ERG: variants seen among roughly 807,000 people sequenced by gnomAD.
ERG encodes the protein transcriptional regulator ERG.
ERG carries 9 observed loss-of-function variants against 55.3 expected under a neutral mutation model. The observed-to-expected ratio is 0.16, with a 90% confidence interval of 0.10 to 0.28. The LOEUF (loss-of-function observed/expected upper bound fraction) is 0.28. ERG is among the 10% of genes least tolerant of loss of function. ERG has a pLI of 1.00. For missense variants in ERG, 434 were observed against 631.6 expected (o/e 0.69, Z 3.35); for synonymous variants, 223 against 237.3 (o/e 0.94, Z 0.55).
At chr21:38,636,393 G>A (rs1429184810) in intron 1 of ERG, among the ~76,000 whole-genome samples, 1 of 152,140 alleles carries the variant, frequency 6.6e-6, no homozygotes, top group African/African-American at 2.4e-5. Context: ...GGAGCAGGAG[G>A]GCAAGGAGGG....
At chr21:38,572,267 C>G (rs1274707409) in intron 2 of ERG, among the ~76,000 whole-genome samples, 1 of 149,166 alleles carries the variant, frequency 6.7e-6, no homozygotes, top group Non-Finnish European at 1.5e-5. Flanking sequence ...ACTCAGGAGG[C>G]TGAGGCAGGA....
At chr21:38,418,440 T>C (rs895550866) in intron 3 of ERG, among the ~76,000 whole-genome samples, 3 of 152,054 alleles carry the variant, frequency 2.0e-5, no homozygotes, top group Non-Finnish European at 4.4e-5. Context: ...GAACCACCAC[T>C]ACACCTGGCT....
At chr21:38,369,976 A>G in the ERG span, among the ~76,000 whole-genome samples, 2 of 152,040 alleles carry the variant, frequency 1.3e-5, no homozygotes, top group South Asian at 2.1e-4. Flanking sequence ...CCATTGGTCT[A>G]TGTGTCTGTT....
intron 3 of ERG, among the ~76,000 whole-genome samples, chr21:38,418,082 T>C (rs1841073472): frequency 6.6e-6 from 1 of 152,236 alleles, no homozygotes; most frequent in African/African-American, 2.4e-5. Flanking sequence ...CCTTTTTGTC[T>C]ACTTGCCTTT....
chr21:38,661,037 G>A (rs2060552333), intron 1 of ERG, among the ~76,000 whole-genome samples: 2 of 151,850 alleles, frequency 1.3e-5, no homozygotes, highest in African/African-American at 4.8e-5. Flanking sequence ...GGAGGAAGAG[G>A]AGGAGGGAGG....
At chr21:38,509,631 T>A (rs1487413505) in intron 2 of ERG, among the ~76,000 whole-genome samples, 1 of 152,066 alleles carries the variant, frequency 6.6e-6, no homozygotes, top group Non-Finnish European at 1.5e-5. Flanking sequence ...TACCAGCAGC[T>A]CCCCAGGCTC....
At chr21:38,525,552 G>A (rs1225299222) in intron 2 of ERG, among the ~76,000 whole-genome samples, 1 of 152,082 alleles carries the variant, frequency 6.6e-6, no homozygotes, top group Non-Finnish European at 1.5e-5. Context: ...CTCAGTTACC[G>A]AGCCAAGACA....
At chr21:38,490,609 T>G (rs1193717082) in intron 1 of ERG, among the ~76,000 whole-genome samples, 1 of 152,198 alleles carries the variant, frequency 6.6e-6, no homozygotes, top group Non-Finnish European at 1.5e-5. Flanking sequence ...GAAGATCCGA[T>G]AGGGGCACTG....
intron 3 of ERG, among the ~76,000 whole-genome samples, chr21:38,421,423 G>A (rs1423814969): frequency 1.3e-5 from 2 of 152,162 alleles, no homozygotes; most frequent in African/African-American, 4.8e-5. Flanking sequence ...GATCTAAGCT[G>A]AAACCTGGGA....
intron 1 of ERG, among the ~76,000 whole-genome samples, chr21:38,640,312 G>C (rs1267795445): frequency 1.3e-5 from 2 of 152,084 alleles, no homozygotes; most frequent in African/African-American, 4.8e-5. Flanking sequence ...CCAACATTAT[G>C]ATTTACCTAC....
chr21:38,429,594 TGTAC>T, intron 2 of ERG, among the ~76,000 whole-genome samples: 4 of 11,888 alleles, frequency 3.4e-4, no homozygotes, highest in Non-Finnish European at 1.0e-3. Context: ...TATGTGTATA[TGTAC>T]ATGTATACAC....
intron 1 of ERG, among the ~76,000 whole-genome samples, chr21:38,469,215 C>T (rs2059119195): frequency 6.6e-6 from 1 of 152,106 alleles, no homozygotes; most frequent in Non-Finnish European, 1.5e-5. Context: ...GAACTCTGGG[C>T]ATGCTTGTTT....
At chr21:38,613,648 T>C (rs2060241701) in intron 1 of ERG, among the ~76,000 whole-genome samples, 1 of 152,192 alleles carries the variant, frequency 6.6e-6, no homozygotes, top group African/African-American at 2.4e-5. Context: ...CTTTCTCCTC[T>C]GATCCATTCC....
intron 6 of ERG, among the ~76,000 whole-genome samples, chr21:38,399,844 C>G (rs1389038675): frequency 6.6e-6 from 1 of 152,160 alleles, no homozygotes; most frequent in African/African-American, 2.4e-5. Context: ...CTCTCTGGCT[C>G]TAGGTCACTC....
intron 2 of ERG, among the ~76,000 whole-genome samples, chr21:38,516,862 G>A (rs1002266244): frequency 4.0e-5 from 6 of 151,828 alleles, no homozygotes; most frequent in African/African-American, 1.5e-4. Flanking sequence ...ACATACATTG[G>A]GAAAAAGACA....
intron 3 of ERG, among the ~76,000 whole-genome samples, chr21:38,409,656 C>G (rs1457675942): frequency 6.6e-6 from 1 of 152,048 alleles, no homozygotes; most frequent in Non-Finnish European, 1.5e-5. Flanking sequence ...TTAGGGGAAC[C>G]ACTTAGCCCA....
At chr21:38,424,390 G>A (rs373007273) in intron 2 of ERG, among the ~76,000 whole-genome samples, 1 of 152,140 alleles carries the variant, frequency 6.6e-6, no homozygotes, top group African/African-American at 2.4e-5. Context: ...GGGGCTCTGT[G>A]AAGGCAGCCT....
intron 1 of ERG, among the ~76,000 whole-genome samples, chr21:38,613,266 CA>C (rs1291950094): frequency 1.3e-5 from 2 of 152,178 alleles, no homozygotes; most frequent in Non-Finnish European, 2.9e-5. Flanking sequence ...GATCTTTAGT[CA>C]GACATAGTTT....
rs2146456719 is a variant in ERG, at chr21:38,403,575, C to T, written c.523G>A (p.Asp175Asn). 5.0e-6 allele frequency: 8 copies of T among 1,614,144 alleles called. No homozygotes were observed. The highest frequency in any genetic ancestry group is 1.6e-4 in the Middle Eastern group (1 of 6,062). The stretch of plus-strand genomic sequence containing the variant: ...TAGCTGGGGGTGAGCCTCTGGAAGT[C>T]GTCCTTGGTCATCTTGCACAGTTCC... ...GKELCKMTKD[D>N]FQRLTPSYNA... Residue 175 changes from aspartate to asparagine, a missense_variant, in exon 4 of 10, where the codon GAC becomes AAC. Coordinates refer to ENST00000288319, the MANE Select transcript of ERG (RefSeq NM_182918.4).
Sources: gnomAD v4.1 joint callset for allele counts (sites outside exome capture counted in the v4.1 genomes callset) on GRCh38, gnomAD v4.1.1 for gene constraint, MANE v1.5 for transcripts, NCBI Gene and HGNC (gene_info 2026-07-23, HGNC 2026-07-21) for gene names.